PRKAB1: variants seen among roughly 807,000 people sequenced by gnomAD.
PRKAB1 encodes protein kinase AMP-activated non-catalytic subunit beta 1.
A neutral mutation model predicts 32.0 loss-of-function variants in PRKAB1; 18 were observed. That is an observed-to-expected ratio of 0.56 (90% CI 0.39 to 0.83). PRKAB1 has a LOEUF of 0.83. PRKAB1 is among the 40% of genes least tolerant of loss of function. PRKAB1 has a pLI of 0.00. For synonymous variants in PRKAB1, 141 were observed against 141.4 expected, an observed-to-expected ratio of 1.00 and a Z score of 0.02; for missense variants, 263 against 352.6, an observed-to-expected ratio of 0.75 and a Z score of 2.03.
intron 5 of PRKAB1, chr12:119,678,356 G>A (rs1279333830): frequency 1.3e-5 from 2 of 152,206 alleles, no homozygotes; most frequent in Non-Finnish European, 1.5e-5. Context: ...CCATTTTAGG[G>A]ATGGGGAAAC....
chr12:119,674,203 C>T lies in PRKAB1; in HGVS notation c.418-137C>T. ...CTGAGTAGCAGCACTACCTGTCAGA[C>T]AGTTGGCATACTTGACCAAGATGAG... On this transcript the variant is annotated intron_variant, in intron 3 of 6. Transcript: ENST00000229328. The surrounding 1 kb of genome is among the most constrained non-coding windows in gnomAD (Gnocchi z 4.3). The T allele has an allele frequency of 9.9e-7, 1 of 1,009,072 alleles. No homozygotes were observed. The highest frequency in any genetic ancestry group is 2.5e-5 in the East Asian group (1 of 39,724). 62.5% of individuals were successfully genotyped at this position (1,009,072 alleles called of 1,614,324 possible).
chr12:119,674,282 G>A lies in PRKAB1; in HGVS notation c.418-58G>A, dbSNP rs550279227. Reference sequence around the variant, plus strand: ...TCCAGCCAGGAATTCCAAGTCCTCTGAAGAATAACTCCGCAGACCTTCCAC... The same window carrying A: ...TCCAGCCAGGAATTCCAAGTCCTCTAAAGAATAACTCCGCAGACCTTCCAC... On this transcript the variant is annotated intron_variant, in intron 3 of 6. Transcript: ENST00000229328. The surrounding 1 kb of genome is among the most constrained non-coding windows in gnomAD (Gnocchi z 4.3). 24 of 1,402,754 alleles carry A rather than the reference G, an allele frequency of 1.7e-5. No homozygotes were observed. In the African/African-American group the frequency reaches 3.0e-4, roughly 17 times the overall value. The allele number at this position is 1,402,754 out of a possible 1,614,324, so 86.9% of individuals were successfully genotyped here.
intron 2 of PRKAB1, among the ~76,000 whole-genome samples, chr12:119,673,090 CATG>C (rs1378764031): frequency 6.6e-6 from 1 of 152,084 alleles, no homozygotes; most frequent in African/African-American, 2.4e-5. Context: ...ATTAGCTGGA[CATG>C]GTGGTGCACA....
At chr12:119,676,248 G>A (rs562328267) in intron 4 of PRKAB1, among the ~76,000 whole-genome samples, 1 of 152,210 alleles carries the variant, frequency 6.6e-6, no homozygotes, top group Non-Finnish European at 1.5e-5. Context: ...GTGGGATTAA[G>A]TTATCGAGAA....
chr12:119,671,370 G>A (rs1464368438), intron 1 of PRKAB1: 3 of 258,802 alleles, frequency 1.2e-5, no homozygotes, highest in African/African-American at 2.2e-5. Context: ...CTGTTCTCAT[G>A]CTACTATGTA....
chr12:119,673,914 C>G, intron 2 of PRKAB1, 50 bp from the exon 3 acceptor site: 1 of 1,512,022 alleles, frequency 6.6e-7, no homozygotes, highest in Non-Finnish European at 9.1e-7. Flanking sequence ...CAAGTAAGCT[C>G]GGGGGGCAGC....
At position 119,674,177 on chromosome 12, in the gene PRKAB1, G is replaced by T; in HGVS notation, c.417+120G>T. 1 of 1,072,530 alleles carries T rather than the reference G, an allele frequency of 9.3e-7. No homozygotes were observed. The highest frequency in any genetic ancestry group is 2.1e-5 in the Admixed American group (1 of 47,790). The allele number at this position is 1,072,530 out of a possible 1,614,324, so 66.4% of individuals were successfully genotyped here. On this transcript the variant is annotated intron_variant, in intron 3 of 6. Transcript: ENST00000229328. The surrounding 1 kb of genome is among the most constrained non-coding windows in gnomAD (Gnocchi z 4.3). ...AGTAAAAGTCCCCGTGTGTGGCAGA[G>T]CTGAGTAGCAGCACTACCTGTCAGA...
intron 2 of PRKAB1, among the ~76,000 whole-genome samples, chr12:119,673,338 A>G (rs987054495): frequency 6.6e-6 from 1 of 152,252 alleles, no homozygotes; most frequent in Non-Finnish European, 1.5e-5. Flanking sequence ...TGTCAGTGAG[A>G]GAACACCTTT....
chr12:119,669,574 A>AT (rs113692422), intron 1 of PRKAB1: 6,373 of 130,650 alleles, frequency 0.049, 181 homozygotes, highest in Non-Finnish European at 0.061. Context: ...CACCCTACTT[A>AT]TTTTTTTTTT....
In PRKAB1 at chr12:119,676,704, C is replaced by T. The variant is rs374779317; in HGVS notation, c.666+34C>T. The T allele has an allele frequency of 1.2e-5, 20 of 1,606,072 alleles. No homozygotes were observed. In the African/African-American group the frequency reaches 1.5e-4, roughly 12 times the overall value. On this transcript the variant is annotated intron_variant, in intron 5 of 6. Coordinates refer to ENST00000229328, the MANE Select transcript of PRKAB1 (RefSeq NM_006253.5). ...GTGGGCATCTGCCCGGACCATCCGC[C>T]GTGGGTCATGTTCAGTTGCTTTCTT...
intron 4 of PRKAB1, among the ~76,000 whole-genome samples, chr12:119,675,240 T>C (rs985857801): frequency 1.3e-5 from 2 of 152,210 alleles, no homozygotes; most frequent in Non-Finnish European, 2.9e-5. Flanking sequence ...AGAAAACAGA[T>C]TCCGTTCGTT....
At position 119,674,902 on chromosome 12, in the gene PRKAB1, T is replaced by G. The variant is rs1279236470; in HGVS notation, c.532+448T>G. 4.6e-5 allele frequency among the ~76,000 whole-genome samples: 7 copies of G among 152,248 alleles called. No individual in the cohort carries two copies. Among genetic ancestry groups the G allele is most frequent in the Admixed American group, 3.9e-4 (6 of 15,284 alleles). The stretch of plus-strand genomic sequence containing the variant: ...GTCACTTATGTGGTACATTAGCACC[T>G]TGTCAGAATCCCTTTGGGGAGGATG... On this transcript the variant is annotated intron_variant, in intron 4 of 6. Coordinates refer to ENST00000229328, the MANE Select transcript of PRKAB1 (RefSeq NM_006253.5). The surrounding 1 kb of genome is among the most constrained non-coding windows in gnomAD (Gnocchi z 4.3).
intron 5 of PRKAB1, chr12:119,677,584 C>T (rs1382649704): frequency 1.3e-5 from 2 of 152,410 alleles, no homozygotes; most frequent in Admixed American, 6.5e-5. Flanking sequence ...TGGCAGGGCC[C>T]ACCATCTTTC....
intron 4 of PRKAB1, among the ~76,000 whole-genome samples, chr12:119,676,223 T>C (rs1444824678): frequency 6.6e-6 from 1 of 152,166 alleles, no homozygotes; most frequent in Non-Finnish European, 1.5e-5. Flanking sequence ...AAGGAAGTCT[T>C]ATTCTGCCGT....
At chr12:119,676,469 A>C in intron 4 of PRKAB1, 68 bp from the exon 5 acceptor site, 5 of 1,460,264 alleles carry the variant, frequency 3.4e-6, no homozygotes, top group Non-Finnish European at 4.7e-6. Flanking sequence ...AGATGATGAC[A>C]ACATAAGTAA....
chr12:119,672,498 T>G (rs1308211327), intron 2 of PRKAB1, 34 bp downstream of exon 2: 2 of 1,462,804 alleles, frequency 1.4e-6, no homozygotes, highest in African/African-American at 2.9e-5. Flanking sequence ...ATATTTGTCT[T>G]AACATAAATT....
At chr12:119,671,490 C>T in intron 1 of PRKAB1, 1 of 375,040 alleles carries the variant, frequency 2.7e-6, no homozygotes, top group Non-Finnish European at 5.5e-6. Context: ...GGCACCTCTT[C>T]ACAGGACGGC....
In PRKAB1 at chr12:119,679,785, T is replaced by C; in HGVS notation, c.667-148T>C. On this transcript the variant is annotated intron_variant, in intron 5 of 6. Transcript: ENST00000229328. The surrounding 1 kb of genome is among the most constrained non-coding windows in gnomAD (Gnocchi z 4.1). ...CGTGACCTTCATCTCACCTGTCGTC[T>C]TGGACAAGCCCTTGCGCTGCCTGAT... 1.3e-6 allele frequency: 1 copy of C among 798,758 alleles called. No homozygotes were observed. Among genetic ancestry groups the C allele is most frequent in the Non-Finnish European group, 2.1e-6 (1 of 474,124 alleles). The allele number at this position is 798,758 out of a possible 1,614,324, so 49.5% of individuals were successfully genotyped here. A position where few individuals can be genotyped will look rare whatever the true frequency, so the allele number is the denominator to read the frequency against.
In PRKAB1 at chr12:119,676,689, G is replaced by A. The variant is rs528991200; in HGVS notation, c.666+19G>A. ...GATTTCCGTAAGTATGTGGGCATCT[G>A]CCCGGACCATCCGCCGTGGGTCATG... On this transcript the variant is annotated intron_variant, in intron 5 of 6. Transcript: ENST00000229328. 1.2e-6 allele frequency: 2 copies of A among 1,611,454 alleles called. No individual in the cohort carries two copies. Among genetic ancestry groups the A allele is most frequent in the Admixed American group, 1.7e-5 (1 of 59,900 alleles).
Sources: gnomAD v4.1 joint callset for allele counts (sites outside exome capture counted in the v4.1 genomes callset) on GRCh38, gnomAD v4.1.1 for gene constraint, Gnocchi (gnomAD v3.1) non-coding constraint, MANE v1.5 for transcripts, NCBI Gene and HGNC (gene_info 2026-07-23, HGNC 2026-07-21) for gene names.